Variants in TENM2 observed in about 807,000 individuals in gnomAD.
The protein encoded by TENM2 is teneurin-2.
A neutral mutation model predicts 245.2 loss-of-function variants in TENM2; 52 were observed. The ratio of observed to expected loss-of-function variants is 0.21; its 90% confidence interval spans 0.17 to 0.27. TENM2 has a LOEUF of 0.27. TENM2 is among the 10% of genes least tolerant of loss of function. TENM2 has a pLI of 1.00. For missense variants in TENM2, 3,046 were observed against 3,666.8 expected, an observed-to-expected ratio of 0.83 and a Z score of 4.37; for synonymous variants, 1,363 against 1,438.9, an observed-to-expected ratio of 0.95 and a Z score of 1.19.
chr5:167,996,594 T>A (rs1324326716), intron 5 of TENM2, among the ~76,000 whole-genome samples: 1 of 152,118 alleles, frequency 6.6e-6, no homozygotes, highest in African/African-American at 2.4e-5. Flanking sequence ...GTAACCAAAG[T>A]ATTTTATTAC....
intron 2 of TENM2, among the ~76,000 whole-genome samples, chr5:167,740,958 T>C (rs1761138844): frequency 1.3e-5 from 2 of 152,198 alleles, no homozygotes; most frequent in South Asian, 2.1e-4. Context: ...AACCTTGGCA[T>C]GTCTTCTGTC....
intron 5 of TENM2, among the ~76,000 whole-genome samples, chr5:167,999,874 A>G (rs901317523): frequency 6.6e-6 from 1 of 152,230 alleles, no homozygotes; most frequent in Non-Finnish European, 1.5e-5. Flanking sequence ...GAGGAGTGAT[A>G]GGTGCCACAA....
exon 29 of TENM2, chr5:168,262,902 C>A: frequency 7.8e-7 from 1 of 1,284,756 alleles, no homozygotes; most frequent in Non-Finnish European, 1.1e-6. Flanking sequence ...AACAGGGGCA[C>A]TGCGGCTGGG....
At chr5:167,456,251 C>A (rs947496364) in intron 2 of TENM2, among the ~76,000 whole-genome samples, 3 of 152,158 alleles carry the variant, frequency 2.0e-5, no homozygotes, top group Non-Finnish European at 4.4e-5. Flanking sequence ...CCCCAAACCA[C>A]TTTGAGCATT....
At chr5:167,147,999 G>A in the TENM2 span, among the ~76,000 whole-genome samples, 1 of 152,126 alleles carries the variant, frequency 6.6e-6, no homozygotes, top group South Asian at 2.1e-4. Flanking sequence ...GACTCACCAT[G>A]CCTGCCACTT....
chr5:167,270,625 C>T, the TENM2 span, among the ~76,000 whole-genome samples: 292 of 152,146 alleles, frequency 1.9e-3, 2 homozygotes, highest in Admixed American at 6.5e-3. Flanking sequence ...TGTAGATGGT[C>T]CCACATCAGG....
At position 167,707,452 on chromosome 5, in the gene TENM2, T is replaced by C. The variant is rs148320980; in HGVS notation, c.503-168534T>C. On this transcript the variant is annotated intron_variant, in intron 2 of 28. Transcript: ENST00000518659. Reference sequence around the variant, plus strand: ...TTTGACTTATCTATTTTTGCTTCTGTTGCCTGTGCTTTATTGTCATATACA... The same window carrying C: ...TTTGACTTATCTATTTTTGCTTCTGCTGCCTGTGCTTTATTGTCATATACA... Among the ~76,000 whole-genome samples the C allele has an allele frequency of 7.9e-3, 1,202 of 152,332 alleles. 10 individuals carry two copies. The highest frequency in any genetic ancestry group is 0.014 in the Non-Finnish European group (938 of 68,030).
At chr5:167,181,466 TTG>T in the TENM2 span, among the ~76,000 whole-genome samples, 4,968 of 122,488 alleles carry the variant, frequency 0.041, 117 homozygotes, top group African/African-American at 0.064. Context: ...AGCCGCTCGT[TTG>T]TGTGTGTGTG....
rs1341527727 is a variant in TENM2 at position 168,247,406 on chromosome 5, C to A, written c.6467C>A (p.Thr2156Asn). 3.7e-6 allele frequency: 6 copies of A among 1,613,984 alleles called. No homozygotes were observed. Among genetic ancestry groups the A allele is most frequent in the Admixed American group, 1.7e-5 (1 of 60,022 alleles). ...ATGACCCTCAGCAAACACTTCGACA[C>A]CCATGGGCGGATCAAGGAGGTCCAG... Residue 2156 changes from threonine to asparagine, a missense_variant, in exon 27 of 29, where the codon ACC becomes AAC. Physicochemically the swap from Thr to Asn is moderately conservative, Grantham distance 65. Around this residue, in one of 2 missense-constraint regions of TENM2, gnomAD observed 2,704 missense variants for 3,331.9 expected, o/e 0.81. Coordinates refer to ENST00000518659, the Ensembl canonical transcript of TENM2. The surrounding 1 kb of genome is among the most constrained non-coding windows in gnomAD (Gnocchi z 7.8).
At chr5:167,000,235 G>T in the TENM2 span, among the ~76,000 whole-genome samples, 2 of 152,082 alleles carry the variant, frequency 1.3e-5, no homozygotes, top group South Asian at 4.1e-4. Context: ...GAGAAAAATT[G>T]GGAGAAAATA....
chr5:167,125,570 T>C, the TENM2 span, among the ~76,000 whole-genome samples: 1 of 152,224 alleles, frequency 6.6e-6, no homozygotes, highest in Non-Finnish European at 1.5e-5. Flanking sequence ...ATTTCTGGGA[T>C]TAGATGCTGT....
chr5:167,918,843 G>C (rs918986263), intron 3 of TENM2, among the ~76,000 whole-genome samples: 6 of 151,756 alleles, frequency 4.0e-5, no homozygotes, highest in Admixed American at 2.6e-4. Context: ...AGCCAATATG[G>C]GAAGCAAAGT....
At chr5:168,239,872 G>A (rs1053327718) in intron 25 of TENM2, among the ~76,000 whole-genome samples, 9 of 152,088 alleles carry the variant, frequency 5.9e-5, no homozygotes, top group Non-Finnish European at 8.8e-5. Flanking sequence ...ATCACACTGA[G>A]TGTATTTTAA....
At chr5:167,740,121 G>A (rs1398305437) in intron 2 of TENM2, among the ~76,000 whole-genome samples, 1 of 152,132 alleles carries the variant, frequency 6.6e-6, no homozygotes, top group Admixed American at 6.5e-5. Context: ...CCATTGTTTG[G>A]ATTTGCATAT....
At chr5:167,802,521 T>A (rs944112641) in intron 2 of TENM2, among the ~76,000 whole-genome samples, 1 of 152,194 alleles carries the variant, frequency 6.6e-6, no homozygotes, top group Non-Finnish European at 1.5e-5. Flanking sequence ...TGTGGAATCA[T>A]TCTAATTCCT....
At chr5:167,675,262 C>T (rs1293503504) in intron 2 of TENM2, among the ~76,000 whole-genome samples, 1 of 152,096 alleles carries the variant, frequency 6.6e-6, no homozygotes, top group African/African-American at 2.4e-5. Context: ...TACACAAAGA[C>T]TTTTGATATC....
chr5:167,475,077 A>G (rs1244717701), intron 2 of TENM2, among the ~76,000 whole-genome samples: 1 of 152,226 alleles, frequency 6.6e-6, no homozygotes, highest in African/African-American at 2.4e-5. Context: ...TTGAAAACAC[A>G]AATATATGCA....
the TENM2 span, among the ~76,000 whole-genome samples, chr5:167,065,772 A>G: frequency 3.3e-5 from 5 of 152,192 alleles, no homozygotes; most frequent in African/African-American, 9.6e-5. Flanking sequence ...TTATTCATGG[A>G]CTGGATAGCT....
intron 6 of TENM2, among the ~76,000 whole-genome samples, chr5:168,049,727 TGTA>T (rs1189815937): frequency 2.0e-5 from 3 of 152,224 alleles, no homozygotes; most frequent in African/African-American, 7.2e-5. Context: ...AAAATGTTGT[TGTA>T]GAAGTCATAT....
Sources: allele counts gnomAD v4.1 joint callset (sites outside exome capture counted in the v4.1 genomes callset), GRCh38; gene constraint gnomAD v4.1.1; regional missense constraint gnomAD v4.1.1; non-coding constraint Gnocchi (gnomAD v3.1); transcripts MANE v1.5; gene names NCBI Gene and HGNC (gene_info 2026-07-23, HGNC 2026-07-21).